Variants in ZNF578 observed in about 807,000 individuals in gnomAD.
The protein encoded by ZNF578 is Putative chemokine-related protein B42.
ZNF578 carries 8 observed loss-of-function variants against 8.3 expected under a neutral mutation model. The observed-to-expected ratio is 0.96, with a 90% confidence interval of 0.56 to 1.74. The LOEUF (loss-of-function observed/expected upper bound fraction) is 1.74. Ranked by LOEUF, ZNF578 falls within the 40% of genes most tolerant of loss-of-function variation. The pLI is 0.00. For synonymous variants in ZNF578, 206 were observed against 232.2 expected (o/e 0.89, Z 1.03); for missense variants, 726 against 707.5 (o/e 1.03, Z -0.30).
At position 52,511,868 on chromosome 19, in the gene ZNF578, C is replaced by T. The variant is rs181570423; in HGVS notation, c.1487C>T (p.Ser496Leu). 8.5e-4 allele frequency: 1,365 copies of T among 1,613,744 alleles called. 3 individuals carry two copies. The highest frequency in any genetic ancestry group is 3.3e-3 in the Admixed American group (199 of 59,996). ...TGTCACAAGACCTTCAGTCACAGGTCATCTCTTCCATGCCATCGTAGACTT... is the reference window on the plus strand; with the variant it reads ...TGTCACAAGACCTTCAGTCACAGGTTATCTCTTCCATGCCATCGTAGACTT... ...NECHKTFSHRSSLPCHRRLHS... is the reference protein window; with the variant it reads ...NECHKTFSHRLSLPCHRRLHS... Residue 496 changes from serine (S) to leucine (L), a missense_variant, in exon 6 of 6, where the codon TCA becomes TTA. Ser to Leu is a moderately radical substitution (Grantham distance 145, BLOSUM62 -2). Transcript: ENST00000421239.
At chr19:52,498,470 T>C (rs329931) in intron 3 of ZNF578, among the ~76,000 whole-genome samples, 2,893 of 151,958 alleles carry the variant, frequency 0.019, 99 homozygotes, top group African/African-American at 0.066. Flanking sequence ...TAGCTGGGAC[T>C]ACAGGCACCC....
intron 2 of ZNF578, among the ~76,000 whole-genome samples, chr19:52,468,276 A>G (rs1247334247): frequency 6.6e-6 from 1 of 152,198 alleles, no homozygotes; most frequent in Non-Finnish European, 1.5e-5. Context: ...TAACAATTAG[A>G]TAATGATAAA....
At position 52,493,370 on chromosome 19, in the gene ZNF578, C is replaced by T. The variant is rs116040125; in HGVS notation, c.-20+1945C>T. ...GTCTTCCCTCTGCAGTCACCGCTTC[C>T]CCTGAACCAGCATTGGGCAGGTCCC... On this transcript the variant is annotated intron_variant, in intron 3 of 5. Coordinates refer to ENST00000421239, the MANE Select transcript of ZNF578 (RefSeq NM_001099694.2). 3.4e-3 allele frequency among the ~76,000 whole-genome samples: 520 copies of T among 152,304 alleles called. 4 individuals are homozygous for T. Among genetic ancestry groups the T allele is most frequent in the African/African-American group, 0.012 (498 of 41,568 alleles).
At position 52,511,058 on chromosome 19, in the gene ZNF578, T is replaced by C. The variant is rs753129123; in HGVS notation, c.677T>C (p.Met226Thr). The change falls in exon 6 of 6, where the codon ATG (methionine) becomes ACG (threonine). Residue 226 changes from methionine to threonine, a missense_variant. Met to Thr is a moderately conservative substitution (Grantham distance 81). Coordinates refer to ENST00000421239, the MANE Select transcript of ZNF578 (RefSeq NM_001099694.2). Reference sequence around the variant, plus strand: ...CTCACACAAAAACAGGAAGTACACATGAGAGAAAAATCTTTCCAATGTAAT... The same window carrying C: ...CTCACACAAAAACAGGAAGTACACACGAGAGAAAAATCTTTCCAATGTAAT... ...SLLTQKQEVH[M>T]REKSFQCNET... 3 of 1,614,058 alleles carry C rather than the reference T, an allele frequency of 1.9e-6. No individual in the cohort carries two copies. Among genetic ancestry groups the C allele is most frequent in the African/African-American group, 1.3e-5 (1 of 74,930 alleles).
chr19:52,515,244 G>A lies in ZNF578; in HGVS notation c.*3090G>A, dbSNP rs116592099. ...CTCCCAAAATGCTAGGATTACAAGCGTGAGCCATTGTGCCTGACCACTCAT... is the reference window on the plus strand; with the variant it reads ...CTCCCAAAATGCTAGGATTACAAGCATGAGCCATTGTGCCTGACCACTCAT... On this transcript the variant is annotated 3_prime_UTR_variant, in exon 6 of 6. Transcript: ENST00000421239. Among the ~76,000 whole-genome samples, 31 of 152,172 alleles carry A rather than the reference G, an allele frequency of 2.0e-4. No individual in the cohort carries two copies. The highest frequency in any genetic ancestry group is 5.5e-4 in the African/African-American group (23 of 41,504).
intron 2 of ZNF578, among the ~76,000 whole-genome samples, chr19:52,481,071 G>A (rs545055618): frequency 3.9e-5 from 6 of 152,250 alleles, no homozygotes; most frequent in East Asian, 1.9e-4. Flanking sequence ...TCATTCATGT[G>A]TGTGACTCTG....
chr19:52,490,170 C>T (rs537510737), intron 2 of ZNF578, among the ~76,000 whole-genome samples: 81 of 152,232 alleles, frequency 5.3e-4, no homozygotes, highest in African/African-American at 1.9e-3. Flanking sequence ...TTATATTTTA[C>T]GCACAGTTCA....
chr19:52,470,111 G>T (rs1432023342), intron 2 of ZNF578, among the ~76,000 whole-genome samples: 1 of 152,132 alleles, frequency 6.6e-6, no homozygotes, highest in Non-Finnish European at 1.5e-5. Flanking sequence ...CCTCATGGTG[G>T]CAACATCTTC....
intron 2 of ZNF578, among the ~76,000 whole-genome samples, chr19:52,459,612 TACACACACACACACACAC>T (rs71180468): frequency 1.7e-5 from 2 of 118,776 alleles, no homozygotes; most frequent in Admixed American, 1.8e-4. Flanking sequence ...AATGTGTATG[TACACACACACACACACAC>T]ACACACACAC....
At chr19:52,459,653 A>G (rs2059250247) in intron 2 of ZNF578, among the ~76,000 whole-genome samples, 1 of 139,770 alleles carries the variant, frequency 7.2e-6, no homozygotes, top group Admixed American at 7.3e-5. Context: ...ACACACACAT[A>G]TATATACTAC....
rs1413057510 is a variant in ZNF578 at position 52,516,668 on chromosome 19, C to T, written c.*4514C>T. ...ACTGATCAATGTGCTTTGTAATCTC[C>T]CCCACCCTTCAGAAGGCTCTTTGTA... On this transcript the variant is annotated 3_prime_UTR_variant, in exon 6 of 6. Transcript: ENST00000421239. 6.6e-6 allele frequency among the ~76,000 whole-genome samples: 1 copy of T among 152,086 alleles called. No individual in the cohort carries two copies. The highest frequency in any genetic ancestry group is 6.5e-5 in the Admixed American group (1 of 15,280).
chr19:52,471,882 A>G (rs2059292866), intron 2 of ZNF578, among the ~76,000 whole-genome samples: 1 of 152,134 alleles, frequency 6.6e-6, no homozygotes, highest in Non-Finnish European at 1.5e-5. Flanking sequence ...AACAATACTC[A>G]TTTTGTGTGT....
intron 2 of ZNF578, among the ~76,000 whole-genome samples, chr19:52,477,902 A>G (rs1429336654): frequency 2.0e-5 from 3 of 152,128 alleles, no homozygotes; most frequent in Non-Finnish European, 4.4e-5. Context: ...GGTTCCTGAG[A>G]CCCTTGCACA....
intron 2 of ZNF578, chr19:52,458,641 G>A (rs2059247115): frequency 6.6e-6 from 1 of 151,382 alleles, no homozygotes; most frequent in Non-Finnish European, 1.5e-5. Flanking sequence ...TTTAATTTCT[G>A]TGGTTTTTAT....
intron 3 of ZNF578, among the ~76,000 whole-genome samples, chr19:52,493,581 G>A (rs1426840802): frequency 6.6e-6 from 1 of 152,062 alleles, no homozygotes; most frequent in Non-Finnish European, 1.5e-5. Context: ...GTGGGGACAG[G>A]GGGGTATAAC....
chr19:52,486,359 C>T (rs1599897776), intron 2 of ZNF578, among the ~76,000 whole-genome samples: 1 of 152,160 alleles, frequency 6.6e-6, no homozygotes, highest in African/African-American at 2.4e-5. Flanking sequence ...CCAGTGCCGT[C>T]GTGGGTCCTC....
In ZNF578 at chr19:52,514,886, C is replaced by A. The variant is rs1471259937; in HGVS notation, c.*2732C>A. Among the ~76,000 whole-genome samples, 1 of 151,452 alleles carries A rather than the reference C, an allele frequency of 6.6e-6. No homozygotes were observed. The highest frequency in any genetic ancestry group is 2.4e-5 in the African/African-American group (1 of 41,146). Reference sequence around the variant, plus strand: ...CCATGTTTGTCAGGCTGGTCTCAAACTCCTGACCTCGCGATCCACCCGACT... The same window carrying A: ...CCATGTTTGTCAGGCTGGTCTCAAAATCCTGACCTCGCGATCCACCCGACT... On this transcript the variant is annotated 3_prime_UTR_variant, in exon 6 of 6. Coordinates refer to ENST00000421239, the MANE Select transcript of ZNF578 (RefSeq NM_001099694.2).
intron 1 of ZNF578, chr19:52,454,275 G>GGTCACC (rs1466543982): frequency 3.9e-5 from 6 of 152,128 alleles, no homozygotes; most frequent in Admixed American, 3.3e-4. Context: ...CTTCACTTGT[G>GGTCACC]GTCACCGAAT....
intron 2 of ZNF578, among the ~76,000 whole-genome samples, chr19:52,466,297 C>T (rs2059274964): frequency 6.6e-6 from 1 of 152,202 alleles, no homozygotes. Context: ...AGTCTGGCCA[C>T]ATTCCATTGC....
Sources: allele counts gnomAD v4.1 joint callset (sites outside exome capture counted in the v4.1 genomes callset), GRCh38; gene constraint gnomAD v4.1.1; transcripts MANE v1.5; gene names NCBI Gene and HGNC (gene_info 2026-07-23, HGNC 2026-07-21).